Variants in MNDA observed in about 807,000 individuals in gnomAD.
The protein encoded by MNDA is epididymis secretory sperm binding protein.
MNDA carries 43 observed loss-of-function variants against 37.8 expected under a neutral mutation model. The observed-to-expected ratio is 1.14, with a 90% CI of 0.89 to 1.47. The LOEUF (loss-of-function observed/expected upper bound fraction) is 1.47. Ranked by LOEUF, MNDA falls within the 40% of genes most tolerant of loss-of-function variation. The pLI, the probability that MNDA is intolerant of heterozygous loss-of-function variation, is 0.00. For missense variants in MNDA, 536 were observed against 476.0 expected, an observed-to-expected ratio of 1.13 and a Z score of -1.17; for synonymous variants, 181 against 169.0, an observed-to-expected ratio of 1.07 and a Z score of -0.55.
chr1:158,834,648 G>T (rs2102044499), intron 1 of MNDA, among the ~76,000 whole-genome samples: 1 of 151,912 alleles, frequency 6.6e-6, no homozygotes, highest in South Asian at 2.1e-4. Flanking sequence ...CTATTTTATT[G>T]TTGTTGTTGT....
chr1:158,845,462 G>A (rs184883810), intron 4 of MNDA, 125 bp from the exon 5 acceptor site: 1 of 872,940 alleles, frequency 1.1e-6, no homozygotes, highest in African/African-American at 1.7e-5. Flanking sequence ...GGATGGTCTC[G>A]ATCTTCTGAC....
At chr1:158,837,085 C>T (rs1398968004) in intron 1 of MNDA, among the ~76,000 whole-genome samples, 2 of 151,770 alleles carry the variant, frequency 1.3e-5, no homozygotes, top group African/African-American at 4.8e-5. Context: ...AAACGTTTAA[C>T]ATTTATTAAC....
chr1:158,846,097 G>T, intron 5 of MNDA, 94 bp downstream of exon 5: 4 of 1,160,618 alleles, frequency 3.4e-6, no homozygotes, highest in Non-Finnish European at 4.9e-6. Context: ...TGGAACACAA[G>T]AATTTATATT....
intron 1 of MNDA, among the ~76,000 whole-genome samples, chr1:158,840,667 T>C (rs775016427): frequency 3.3e-5 from 5 of 152,178 alleles, no homozygotes; most frequent in Non-Finnish European, 5.9e-5. Context: ...TGCAGACATA[T>C]AATTATGGAT....
At chr1:158,843,863 T>C in intron 3 of MNDA, 92 bp from the exon 4 acceptor site, 1 of 1,148,442 alleles carries the variant, frequency 8.7e-7, no homozygotes. Context: ...CCAACATAAA[T>C]AGAACTTACT....
Position 158,842,359 on chromosome 1 carries a change from C to A in MNDA, c.206C>A (p.Ala69Asp). The A allele has an allele frequency of 5.0e-6, 8 of 1,613,852 alleles. No homozygotes were observed. The highest frequency in any genetic ancestry group is 6.8e-6 in the Non-Finnish European group (8 of 1,179,936). ...TGTCTAGACAAACTAATAGAACTTG[C>A]CAAAGATATGCCATCACTTAAAAAC... is the stretch of plus-strand genomic sequence containing the variant. ...VACLDKLIEL[A>D]KDMPSLKNLV... Residue 69 changes from alanine (A) to aspartate (D), a missense_variant, in exon 2 of 7, where the codon GCC (alanine) becomes GAC (aspartate). Transcript: ENST00000368141.
intron 2 of MNDA, 40 bp downstream of exon 2, chr1:158,842,458 G>A: frequency 6.4e-7 from 1 of 1,563,536 alleles, no homozygotes; most frequent in Non-Finnish European, 8.6e-7. Flanking sequence ...TCTGCCTTGA[G>A]TCTCCCCAGT....
At chr1:158,838,803 A>T (rs1571654309) in intron 1 of MNDA, among the ~76,000 whole-genome samples, 2 of 152,226 alleles carry the variant, frequency 1.3e-5, no homozygotes, top group South Asian at 4.1e-4. Flanking sequence ...AGCCTTGATA[A>T]TTACACATGA....
intron 1 of MNDA, 29 bp from the exon 2 acceptor site, chr1:158,842,105 T>G: frequency 6.5e-7 from 1 of 1,541,350 alleles, no homozygotes; most frequent in African/African-American, 1.4e-5. Flanking sequence ...CATAAATGTG[T>G]AATGTTGTGT....
At chr1:158,842,912 C>A (rs2102050033) in intron 2 of MNDA, among the ~76,000 whole-genome samples, 1 of 152,118 alleles carries the variant, frequency 6.6e-6, no homozygotes, top group African/African-American at 2.4e-5. Flanking sequence ...GTCATTTGAA[C>A]AGATATTGCA....
intron 5 of MNDA, 39 bp downstream of exon 5, chr1:158,846,042 C>A (rs1271927125): frequency 5.9e-6 from 9 of 1,513,190 alleles, no homozygotes; most frequent in Middle Eastern, 1.9e-4. Flanking sequence ...TCTACCATTA[C>A]CTGGAAATAA....
chr1:158,842,605 G>T, intron 2 of MNDA, 187 bp downstream of exon 2: 1 of 523,984 alleles, frequency 1.9e-6, no homozygotes, highest in Non-Finnish European at 3.4e-6. Context: ...GAAAGAGATT[G>T]ATATATTTAG....
At position 158,843,564 on chromosome 1, in the gene MNDA, G is replaced by A. The variant is rs762410439; in HGVS notation, c.402+149G>A. On this transcript the variant is annotated intron_variant, in intron 3 of 6. Transcript: ENST00000368141. Reference sequence around the variant, plus strand: ...TGTGATGAGTAAAGAGTTAGGTATCGTAAAAATGTAATAAAAAATTTCTGT... The same window carrying A: ...TGTGATGAGTAAAGAGTTAGGTATCATAAAAATGTAATAAAAAATTTCTGT... 202 of 867,474 alleles carry A rather than the reference G, an allele frequency of 2.3e-4. 2 individuals carry two copies. Among genetic ancestry groups the A allele is most frequent in the Admixed American group, 9.0e-4 (24 of 26,770 alleles). 53.7% of individuals were successfully genotyped at this position (867,474 alleles called of 1,614,324 possible). A position where few individuals can be genotyped will look rare whatever the true frequency, so the allele number is the denominator to read the frequency against.
intron 5 of MNDA, 44 bp from the exon 6 acceptor site, chr1:158,847,684 A>G (rs2261107): frequency 0.29 from 445,355 of 1,555,208 alleles, 66,671 homozygotes; most frequent in Non-Finnish European, 0.31. Flanking sequence ...TCTATATGAT[A>G]CTAACAATCC....
intron 5 of MNDA, 119 bp from the exon 6 acceptor site, chr1:158,847,609 T>A (rs1187135010): frequency 1.1e-6 from 1 of 874,706 alleles, no homozygotes; most frequent in African/African-American, 1.7e-5. Context: ...AAGCCACATG[T>A]ATGATCTGTA....
chr1:158,831,680 A>C (rs1468068317), intron 1 of MNDA, 123 bp downstream of exon 1: 1 of 152,214 alleles, frequency 6.6e-6, no homozygotes, highest in Non-Finnish European at 1.5e-5. Context: ...CAGAAAACTG[A>C]GAACTGAATG....
intron 6 of MNDA, among the ~76,000 whole-genome samples, chr1:158,848,806 T>C (rs1056928653): frequency 6.6e-6 from 1 of 152,052 alleles, no homozygotes; most frequent in South Asian, 2.1e-4. Flanking sequence ...TGTTGGAAAT[T>C]CAGGAATTAT....
In MNDA at chr1:158,849,410, A is replaced by T; in HGVS notation, c.*173A>T. 1.9e-6 allele frequency: 1 copy of T among 514,764 alleles called. No homozygotes were observed. The highest frequency in any genetic ancestry group is 3.3e-6 in the Non-Finnish European group (1 of 299,078). 31.9% of individuals were successfully genotyped at this position (514,764 alleles called of 1,614,324 possible). A position where few individuals can be genotyped will look rare whatever the true frequency, so the allele number is the denominator to read the frequency against. On this transcript the variant is annotated 3_prime_UTR_variant, in exon 7 of 7. Coordinates refer to ENST00000368141, the MANE Select transcript of MNDA (RefSeq NM_002432.3). ...AGATTAGTTTGCTTTCTGGAATAAAATTTTCTTCTTATACTCTTCCTTTTT... is the reference window on the plus strand; with the variant it reads ...AGATTAGTTTGCTTTCTGGAATAAATTTTTCTTCTTATACTCTTCCTTTTT...
chr1:158,837,129 G>A (rs911014013), intron 1 of MNDA, among the ~76,000 whole-genome samples: 3 of 151,752 alleles, frequency 2.0e-5, no homozygotes, highest in Non-Finnish European at 4.4e-5. Context: ...GGTATATGTT[G>A]GGACAATGTT....
Sources: allele counts gnomAD v4.1 joint callset (sites outside exome capture counted in the v4.1 genomes callset), GRCh38; gene constraint gnomAD v4.1.1; transcripts MANE v1.5; gene names NCBI Gene and HGNC (gene_info 2026-07-23, HGNC 2026-07-21).